Variants in TRPC6 observed in about 807,000 individuals in gnomAD.
TRPC6 encodes the protein short transient receptor potential channel 6.
A neutral mutation model predicts 90.7 loss-of-function variants in TRPC6; 55 were observed. The observed-to-expected ratio is 0.61, with a 90% CI of 0.49 to 0.76. The LOEUF (loss-of-function observed/expected upper bound fraction) is 0.76, where lower values mean the gene tolerates loss of function less well. Ranked by LOEUF, TRPC6 falls within the 30% of genes least tolerant of loss-of-function variation. TRPC6 has a pLI of 0.00. For synonymous variants in TRPC6, 393 were observed against 393.0 expected (o/e 1.00, Z 0.00); for missense variants, 989 against 1,122.7 (o/e 0.88, Z 1.70).
intron 1 of TRPC6, among the ~76,000 whole-genome samples, chr11:101,510,865 A>G (rs1413183940): frequency 1.3e-5 from 2 of 152,166 alleles, no homozygotes; most frequent in African/African-American, 4.8e-5. Flanking sequence ...CACTTTTATA[A>G]CATGGAACTG....
intron 1 of TRPC6, among the ~76,000 whole-genome samples, chr11:101,555,450 C>T (rs1565241800): frequency 2.0e-5 from 3 of 152,088 alleles, no homozygotes; most frequent in South Asian, 2.1e-4. Flanking sequence ...ACCTGAGCTT[C>T]GTAAGTGGTT....
At chr11:101,472,408 G>A in intron 7 of TRPC6, 76 bp from the exon 8 acceptor site, 1 of 1,411,580 alleles carries the variant, frequency 7.1e-7, no homozygotes, top group Admixed American at 2.2e-5. Flanking sequence ...ATAAAAGTGA[G>A]TTTGTTTAGT....
intron 1 of TRPC6, among the ~76,000 whole-genome samples, chr11:101,511,941 C>A (rs761050294): frequency 5.9e-5 from 9 of 151,900 alleles, no homozygotes; most frequent in Non-Finnish European, 1.3e-4. Flanking sequence ...TGCAGTGAGC[C>A]GAGATCACGC....
intron 11 of TRPC6, among the ~76,000 whole-genome samples, chr11:101,454,525 A>G (rs941591472): frequency 6.6e-6 from 1 of 152,016 alleles, no homozygotes; most frequent in African/African-American, 2.4e-5. Context: ...TGAAATTAAT[A>G]GGAATATATA....
intron 1 of TRPC6, among the ~76,000 whole-genome samples, chr11:101,528,106 T>C (rs571734810): frequency 2.7e-4 from 41 of 152,292 alleles, no homozygotes; most frequent in African/African-American, 9.4e-4. Context: ...TCTATGTCTA[T>C]CTGTATATCC....
At chr11:101,510,576 AAGGTGTT>A (rs1444985814) in intron 1 of TRPC6, among the ~76,000 whole-genome samples, 1 of 152,190 alleles carries the variant, frequency 6.6e-6, no homozygotes, top group Non-Finnish European at 1.5e-5. Context: ...GTATTTTTAC[AAGGTGTT>A]TATCACAACA....
intron 2 of TRPC6, among the ~76,000 whole-genome samples, chr11:101,496,126 T>C (rs140646154): frequency 2.7e-3 from 416 of 152,044 alleles, no homozygotes; most frequent in African/African-American, 9.8e-3. Flanking sequence ...CACACAGTTT[T>C]AAACCATCAA....
At chr11:101,509,273 AT>A (rs1215218561) in intron 1 of TRPC6, among the ~76,000 whole-genome samples, 4 of 150,816 alleles carry the variant, frequency 2.7e-5, no homozygotes, top group Admixed American at 6.6e-5. Flanking sequence ...TAATTTTTGT[AT>A]TTTTTTTATA....
chr11:101,550,312 G>A (rs951461615), intron 1 of TRPC6, among the ~76,000 whole-genome samples: 1 of 151,410 alleles, frequency 6.6e-6, no homozygotes, highest in Non-Finnish European at 1.5e-5. Flanking sequence ...ACACAAGTAT[G>A]ATGTTACATT....
In TRPC6 at chr11:101,491,537, G is replaced by C. The variant is rs765814664; in HGVS notation, c.1128+19C>G. ...ACAAGAACCAAAATAATGTAAACGGGCTTCACGCCTGACCTTACTTTTTTT... is the reference window on the plus strand; with the variant it reads ...ACAAGAACCAAAATAATGTAAACGGCCTTCACGCCTGACCTTACTTTTTTT... On this transcript the variant is annotated intron_variant, in intron 3 of 12. Transcript: ENST00000344327. The C allele has an allele frequency of 3.1e-6, 5 of 1,612,944 alleles. No homozygotes were observed. In the South Asian group the frequency reaches 5.5e-5, roughly 18 times the overall value.
chr11:101,487,240 TGAGAATAGG>T (rs754953489), intron 4 of TRPC6, among the ~76,000 whole-genome samples: 4 of 152,032 alleles, frequency 2.6e-5, no homozygotes, highest in Non-Finnish European at 5.9e-5. Context: ...GGTCACAGAA[TGAGAATAGG>T]GAGAATTCAA....
chr11:101,510,997 G>A (rs1860381825), intron 1 of TRPC6, among the ~76,000 whole-genome samples: 1 of 152,104 alleles, frequency 6.6e-6, no homozygotes, highest in African/African-American at 2.4e-5. Flanking sequence ...AATTGTAAAT[G>A]GAATGTAACT....
At chr11:101,538,987 A>T (rs11224826) in intron 1 of TRPC6, among the ~76,000 whole-genome samples, 2 of 152,216 alleles carry the variant, frequency 1.3e-5, no homozygotes, top group African/African-American at 4.8e-5. Context: ...GTGCTTCGTG[A>T]AACTCAGAAC....
At chr11:101,557,252 G>A (rs976266076) in intron 1 of TRPC6, among the ~76,000 whole-genome samples, 5 of 152,116 alleles carry the variant, frequency 3.3e-5, no homozygotes, top group Non-Finnish European at 7.4e-5. Context: ...CTACCCGGGT[G>A]GCTAAGAAAT....
intron 1 of TRPC6, among the ~76,000 whole-genome samples, chr11:101,511,050 T>C (rs1344212502): frequency 6.6e-6 from 1 of 152,158 alleles, no homozygotes; most frequent in African/African-American, 2.4e-5. Context: ...TGTAGATTCA[T>C]CCTAGGAAAG....
chr11:101,505,700 T>C (rs560010037), intron 1 of TRPC6, among the ~76,000 whole-genome samples: 4 of 152,148 alleles, frequency 2.6e-5, no homozygotes, highest in Admixed American at 1.3e-4. Flanking sequence ...GCCTTCAACG[T>C]AGTCCTTCAA....
intron 11 of TRPC6, among the ~76,000 whole-genome samples, chr11:101,453,958 A>ATGTT (rs1277785880): frequency 1.3e-5 from 2 of 152,192 alleles, no homozygotes; most frequent in Non-Finnish European, 2.9e-5. Context: ...TTAGAAAAGA[A>ATGTT]TGTTTAGAGC....
chr11:101,469,575 A>G (rs1859238203), intron 9 of TRPC6, 74 bp from the exon 10 acceptor site: 2 of 669,776 alleles, frequency 3.0e-6, no homozygotes, highest in Non-Finnish European at 5.5e-6. Context: ...TTTAAAAGCC[A>G]TTTCGTCTAA....
At chr11:101,478,343 C>T (rs1050390165) in intron 5 of TRPC6, among the ~76,000 whole-genome samples, 18 of 152,036 alleles carry the variant, frequency 1.2e-4, no homozygotes, top group African/African-American at 2.9e-4. Context: ...ACAGGAAATA[C>T]GGCAGTTTTT....
Sources: allele counts gnomAD v4.1 joint callset (sites outside exome capture counted in the v4.1 genomes callset), GRCh38; gene constraint gnomAD v4.1.1; transcripts MANE v1.5; gene names NCBI Gene and HGNC (gene_info 2026-07-23, HGNC 2026-07-21).